Variants in LMBR1 observed in about 807,000 individuals in gnomAD.
The protein encoded by LMBR1 is limb region 1 protein homolog.
In LMBR1, 52 loss-of-function variants were observed where a neutral mutation model predicts 73.9. The ratio of observed to expected loss-of-function variants is 0.70; its 90% CI spans 0.56 to 0.89. LMBR1 has a LOEUF of 0.89. LMBR1 is among the 40% of genes least tolerant of loss of function. LMBR1 has a pLI of 0.00. For missense variants in LMBR1, 539 were observed against 579.8 expected (o/e 0.93, Z 0.72); for synonymous variants, 215 against 209.4 (o/e 1.03, Z -0.23).
chr7:156,764,646 T>C (rs1200754910), intron 5 of LMBR1, among the ~76,000 whole-genome samples: 1 of 152,238 alleles, frequency 6.6e-6, no homozygotes, highest in Non-Finnish European at 1.5e-5. Context: ...TACATCCATA[T>C]TTCTCAATAA....
chr7:156,676,331 G>C, downstream of LMBR1: 1 of 1,612,984 alleles, frequency 6.2e-7, no homozygotes, highest in South Asian at 1.1e-5. Flanking sequence ...CCCATGTCTC[G>C]GGGCACATGG....
At chr7:156,807,497 C>T (rs1832353947) in intron 4 of LMBR1, among the ~76,000 whole-genome samples, 2 of 152,164 alleles carry the variant, frequency 1.3e-5, no homozygotes, top group Admixed American at 1.3e-4. Flanking sequence ...CAATTATTAT[C>T]CTTTTAATCA....
At chr7:156,845,911 G>A (rs1207320181) in intron 1 of LMBR1, among the ~76,000 whole-genome samples, 1 of 150,868 alleles carries the variant, frequency 6.6e-6, no homozygotes, top group African/African-American at 2.4e-5. Context: ...ACCACAATGG[G>A]AAAAGAACTG....
At chr7:156,847,860 T>C (rs2134039239) in intron 1 of LMBR1, among the ~76,000 whole-genome samples, 1 of 152,304 alleles carries the variant, frequency 6.6e-6, no homozygotes, top group South Asian at 2.1e-4. Context: ...CTTGGCAGTT[T>C]CTTACAAAAC....
chr7:156,751,753 A>G lies in LMBR1; in HGVS notation c.757+4640T>C, dbSNP rs1172416128. Among the ~76,000 whole-genome samples the G allele has an allele frequency of 2.6e-5, 4 of 152,244 alleles. No homozygotes were observed. The East Asian group carries it at 7.7e-4, about 29-fold the overall frequency. ...GAGACTCCAAGGATTTGGCCTGAGT[A>G]GCTGGAAGAATGATTTGTCACCTGT... On this transcript the variant is annotated intron_variant, in intron 9 of 16. Transcript: ENST00000353442.
chr7:156,705,823 C>T (rs1810804297), intron 15 of LMBR1, among the ~76,000 whole-genome samples: 1 of 152,064 alleles, frequency 6.6e-6, no homozygotes, highest in South Asian at 2.1e-4. Context: ...AATGGCAATA[C>T]TACAGAATTC....
At chr7:156,764,297 TTATAAAC>T (rs1823687718) in intron 5 of LMBR1, among the ~76,000 whole-genome samples, 1 of 152,192 alleles carries the variant, frequency 6.6e-6, no homozygotes, top group African/African-American at 2.4e-5. Flanking sequence ...TAATCCAGCA[TTATAAAC>T]TATAGAGATA....
At position 156,892,970 on chromosome 7, in the gene LMBR1, C is replaced by G. The variant is rs770964212; in HGVS notation, c.24G>C (p.Ser8=). The part of the protein sequence containing the change: MEGQDEV[S]AREQHFHSQV... ...GGCTGTGGAAGTGCTGCTCCCGCGC[C>G]GACACCTCGTCCTGCCCTTCCATCC... The change falls in exon 1 of 17, where the codon TCG becomes TCC. Residue 8 remains serine, a synonymous_variant. Coordinates refer to ENST00000353442, the MANE Select transcript of LMBR1 (RefSeq NM_022458.4). 1 of 1,542,786 alleles carries G rather than the reference C, an allele frequency of 6.5e-7. No homozygotes were observed. The highest frequency in any genetic ancestry group is 1.9e-5 in the Admixed American group (1 of 51,752).
At chr7:156,773,754 A>C (rs1365546160) in intron 5 of LMBR1, among the ~76,000 whole-genome samples, 1 of 152,208 alleles carries the variant, frequency 6.6e-6, no homozygotes, top group Non-Finnish European at 1.5e-5. Flanking sequence ...AACCCTGGAA[A>C]AAAAACCTAG....
rs10633275 is a variant in LMBR1, at chr7:156,831,275, A to ATTT, written c.179+2475_179+2477dup. Among the ~76,000 whole-genome samples the ATTT allele has an allele frequency of 5.9e-3, 760 of 127,938 alleles. 19 individuals carry two copies. Among genetic ancestry groups the ATTT allele is most frequent in the African/African-American group, 0.022 (729 of 33,362 alleles). 83.9% of individuals were successfully genotyped at this position (127,938 alleles called of 152,430 possible). A position where few individuals can be genotyped will look rare whatever the true frequency, so the allele number is the denominator to read the frequency against. On this transcript the variant is annotated intron_variant, in intron 3 of 16. Transcript: ENST00000353442. ...AATTGTATCAAGCACCCTACCCTAGATTTTTTTTTTTTTTTTTTGGCAAAT... is the reference window on the plus strand; with the variant it reads ...AATTGTATCAAGCACCCTACCCTAGATTTTTTTTTTTTTTTTTTTTTGGCAAAT...
chr7:156,709,531 A>G (rs994456720), intron 15 of LMBR1, among the ~76,000 whole-genome samples: 11 of 152,202 alleles, frequency 7.2e-5, no homozygotes, highest in Admixed American at 2.0e-4. Context: ...CCACATCACA[A>G]GACTCTTTGC....
At chr7:156,863,455 C>T (rs1798013142) in intron 1 of LMBR1, among the ~76,000 whole-genome samples, 1 of 152,098 alleles carries the variant, frequency 6.6e-6, no homozygotes, top group Admixed American at 6.5e-5. Flanking sequence ...AAATGTTAAT[C>T]TCCTTTGGCA....
chr7:156,785,639 G>A (rs1482644346), intron 5 of LMBR1, among the ~76,000 whole-genome samples: 1 of 152,162 alleles, frequency 6.6e-6, no homozygotes, highest in Non-Finnish European at 1.5e-5. Flanking sequence ...GTTTGCTACA[G>A]AGCAAAGGAC....
chr7:156,812,372 C>A (rs999972677), intron 4 of LMBR1, among the ~76,000 whole-genome samples: 2 of 151,872 alleles, frequency 1.3e-5, no homozygotes, highest in Admixed American at 6.6e-5. Flanking sequence ...AACACAAGAG[C>A]GCAGAGGACT....
chr7:156,812,788 TG>T (rs1833314973), intron 4 of LMBR1, among the ~76,000 whole-genome samples: 1 of 152,214 alleles, frequency 6.6e-6, no homozygotes, highest in Non-Finnish European at 1.5e-5. Context: ...TGATTCTCTG[TG>T]CAGCAATCTC....
intron 4 of LMBR1, among the ~76,000 whole-genome samples, chr7:156,814,870 T>C (rs188975749): frequency 2.6e-5 from 4 of 152,140 alleles, no homozygotes; most frequent in African/African-American, 9.6e-5. Context: ...ATAAAAATGG[T>C]ACAAGGCCAA....
At chr7:156,871,761 T>G (rs564188547) in intron 1 of LMBR1, among the ~76,000 whole-genome samples, 2 of 152,132 alleles carry the variant, frequency 1.3e-5, no homozygotes, top group Non-Finnish European at 2.9e-5. Flanking sequence ...GTAAAAACTG[T>G]CAACAAACTA....
intron 15 of LMBR1, among the ~76,000 whole-genome samples, chr7:156,692,980 C>A (rs992586473): frequency 2.0e-5 from 3 of 151,700 alleles, no homozygotes; most frequent in African/African-American, 2.4e-5. Flanking sequence ...GTGGGATATG[C>A]AAATTATACT....
At chr7:156,888,794 C>A (rs2134597317) in intron 1 of LMBR1, among the ~76,000 whole-genome samples, 1 of 152,282 alleles carries the variant, frequency 6.6e-6, no homozygotes, top group African/African-American at 2.4e-5. Context: ...GTGGCTCACA[C>A]CTGTAATCCC....
Sources: gnomAD v4.1 joint callset for allele counts (sites outside exome capture counted in the v4.1 genomes callset) on GRCh38, gnomAD v4.1.1 for gene constraint, MANE v1.5 for transcripts, NCBI Gene and HGNC (gene_info 2026-07-23, HGNC 2026-07-21) for gene names.